The following MECOM variants were observed in gnomAD, a reference collection of about 807,000 sequenced individuals.
MECOM encodes MDS1 and EVI1 complex locus.
MECOM carries 13 observed loss-of-function variants against 116.3 expected under a neutral mutation model. The ratio of observed to expected loss-of-function variants is 0.11; its 90% confidence interval spans 0.07 to 0.18. The LOEUF (loss-of-function observed/expected upper bound fraction) is 0.18, where lower values mean the gene tolerates loss of function less well. Among genes scored for constraint, MECOM ranks in the 10% least tolerant of loss-of-function variants. MECOM has a pLI of 1.00. For missense variants in MECOM, 1,299 were observed against 1,509.0 expected, an observed-to-expected ratio of 0.86 and a Z score of 2.31; for synonymous variants, 528 against 535.2, an observed-to-expected ratio of 0.99 and a Z score of 0.19.
In MECOM at chr3:169,143,817, A is replaced by G; in HGVS notation, c.391T>C (p.Tyr131His). ...GCATCTATGCAGAACTTCACATTGT[A>G]AAATTCGTCTAAGATCTGGAGGGAA... is the stretch of plus-strand genomic sequence containing the variant. ...SYGWEILDEF[Y>H]NVKFCIDASQ... Residue 131 changes from tyrosine to histidine, a missense_variant, in exon 3 of 17, where the codon TAC (tyrosine) becomes CAC (histidine). Coordinates refer to ENST00000651503, the MANE Select transcript of MECOM (RefSeq NM_004991.4). 1 of 1,606,142 alleles carries G rather than the reference A, an allele frequency of 6.2e-7. No individual in the cohort carries two copies. The highest frequency in any genetic ancestry group is 8.5e-7 in the Non-Finnish European group (1 of 1,176,370).
At chr3:169,229,099 T>C (rs1306148174) in intron 2 of MECOM, among the ~76,000 whole-genome samples, 1 of 152,206 alleles carries the variant, frequency 6.6e-6, no homozygotes, top group Non-Finnish European at 1.5e-5. Flanking sequence ...GTTCTGGCTT[T>C]CTAGTCAATG....
At chr3:169,530,505 C>T (rs1242882858) in intron 1 of MECOM, among the ~76,000 whole-genome samples, 1 of 152,124 alleles carries the variant, frequency 6.6e-6, no homozygotes, top group Admixed American at 6.5e-5. Context: ...AGTCTCCCAG[C>T]CACCTATGAA....
At chr3:169,536,942 G>A (rs1362755601) in intron 1 of MECOM, among the ~76,000 whole-genome samples, 1 of 152,016 alleles carries the variant, frequency 6.6e-6, no homozygotes, top group African/African-American at 2.4e-5. Context: ...TTTATAGATG[G>A]GGAAACTGCA....
At chr3:169,554,288 T>C (rs1460346050) in intron 1 of MECOM, among the ~76,000 whole-genome samples, 6 of 152,158 alleles carry the variant, frequency 3.9e-5, no homozygotes, top group African/African-American at 9.7e-5. Flanking sequence ...ATCAGACCAC[T>C]ATATGAGGGA....
At chr3:169,170,694 T>A (rs1744288649) in intron 2 of MECOM, among the ~76,000 whole-genome samples, 1 of 152,182 alleles carries the variant, frequency 6.6e-6, no homozygotes, top group Admixed American at 6.5e-5. Context: ...ATCCCCACAG[T>A]AATTTACATA....
intron 1 of MECOM, among the ~76,000 whole-genome samples, chr3:169,552,266 G>T (rs1560423514): frequency 6.6e-6 from 1 of 150,634 alleles, no homozygotes; most frequent in Non-Finnish European, 1.5e-5. Context: ...AGTTCTTCAG[G>T]TGTGATGAAA....
intron 1 of MECOM, among the ~76,000 whole-genome samples, chr3:169,546,385 G>T (rs560727002): frequency 6.6e-6 from 1 of 152,218 alleles, no homozygotes; most frequent in Non-Finnish European, 1.5e-5. Context: ...GTATGTGTTG[G>T]GATGGAAGGG....
At chr3:169,446,202 C>T (rs1560284373) in intron 1 of MECOM, among the ~76,000 whole-genome samples, 1 of 152,168 alleles carries the variant, frequency 6.6e-6, no homozygotes, top group East Asian at 1.9e-4. Flanking sequence ...TATGGTTTGG[C>T]TGTGTCCCCA....
intron 1 of MECOM, among the ~76,000 whole-genome samples, chr3:169,559,000 G>A (rs1307035557): frequency 6.6e-6 from 1 of 151,428 alleles, no homozygotes; most frequent in African/African-American, 2.4e-5. Context: ...ACAATCCTCT[G>A]TCTTCTCAAA....
intron 1 of MECOM, among the ~76,000 whole-genome samples, chr3:169,461,178 C>A (rs923261717): frequency 6.6e-6 from 1 of 152,100 alleles, no homozygotes; most frequent in African/African-American, 2.4e-5. Context: ...TCCACTTGCG[C>A]CACCCCTACT....
At chr3:169,100,070 A>G (rs546310427) in intron 12 of MECOM, among the ~76,000 whole-genome samples, 5 of 134,814 alleles carry the variant, frequency 3.7e-5, no homozygotes, top group African/African-American at 1.1e-4. Flanking sequence ...TTTAAGATCT[A>G]TTCTTTTTTT....
chr3:169,562,399 GTGTGGCA>G (rs993794013), intron 1 of MECOM, among the ~76,000 whole-genome samples: 1 of 152,046 alleles, frequency 6.6e-6, no homozygotes, highest in African/African-American at 2.4e-5. Flanking sequence ...TTGCTGTGAG[GTGTGGCA>G]TGTTAGAAAT....
At chr3:169,210,803 A>G (rs1024001978) in intron 2 of MECOM, among the ~76,000 whole-genome samples, 3 of 152,106 alleles carry the variant, frequency 2.0e-5, no homozygotes, top group African/African-American at 7.2e-5. Flanking sequence ...ATTATTGATT[A>G]TTATAGATTA....
rs886484364 is a variant in MECOM at position 169,146,690 on chromosome 3, T to C, written c.376-2858A>G. Reference sequence around the variant, plus strand: ...TGACAAACTTTCACATCGCCCAGACTTTTTTTCCTTTTAAAGTGAGGAGTT... The same window carrying C: ...TGACAAACTTTCACATCGCCCAGACCTTTTTTCCTTTTAAAGTGAGGAGTT... On this transcript the variant is annotated intron_variant, in intron 2 of 16. Transcript: ENST00000651503. 7.8e-6 allele frequency: 10 copies of C among 1,281,344 alleles called. No individual in the cohort carries two copies. In the African/African-American group the frequency reaches 1.5e-4, roughly 20 times the overall value. 79.4% of individuals were successfully genotyped at this position (1,281,344 alleles called of 1,614,324 possible).
chr3:169,574,819 G>C (rs963538885), intron 1 of MECOM, among the ~76,000 whole-genome samples: 14 of 147,194 alleles, frequency 9.5e-5, no homozygotes, highest in Non-Finnish European at 1.6e-4. Context: ...TTATTGGCCT[G>C]TATTTATAAA....
At chr3:169,551,299 C>A (rs919889933) in intron 1 of MECOM, among the ~76,000 whole-genome samples, 4 of 151,832 alleles carry the variant, frequency 2.6e-5, no homozygotes, top group African/African-American at 9.7e-5. Flanking sequence ...CATTAAGAGT[C>A]TTTCCTAAAT....
intron 3 of MECOM, among the ~76,000 whole-genome samples, chr3:169,132,567 C>T (rs9867546): frequency 0.17 from 26,072 of 151,918 alleles, 3,643 homozygotes; most frequent in African/African-American, 0.39. Context: ...TGAAGTTCTA[C>T]GATTAACTGG....
chr3:169,093,752 C>T (rs1167622144), intron 13 of MECOM, among the ~76,000 whole-genome samples: 12 of 152,166 alleles, frequency 7.9e-5, no homozygotes, highest in Admixed American at 5.9e-4. Flanking sequence ...GTAAGGCTTA[C>T]ATAAACTTAA....
chr3:169,551,497 A>T (rs1761403265), intron 1 of MECOM, among the ~76,000 whole-genome samples: 2 of 152,244 alleles, frequency 1.3e-5, no homozygotes, highest in South Asian at 2.1e-4. Flanking sequence ...AATACTCTGA[A>T]GTGTTTGTGA....
Sources: allele counts gnomAD v4.1 joint callset (sites outside exome capture counted in the v4.1 genomes callset), GRCh38; gene constraint gnomAD v4.1.1; transcripts MANE v1.5; gene names NCBI Gene and HGNC (gene_info 2026-07-23, HGNC 2026-07-21).